The following VTI1A variants were observed in gnomAD, a reference collection of about 807,000 sequenced individuals.
The protein encoded by VTI1A is vesicle transport through interaction with t-SNAREs homolog 1A.
In VTI1A, 22 loss-of-function variants were observed where a neutral mutation model predicts 34.9. That is an observed-to-expected ratio of 0.63 (90% confidence interval 0.45 to 0.90). VTI1A has a LOEUF of 0.90. Ranked by LOEUF, VTI1A falls within the 40% of genes least tolerant of loss-of-function variation. The probability of loss-of-function intolerance (pLI) is 0.00; values close to 1 mark genes in which losing one functional copy is unlikely to be tolerated. For synonymous variants in VTI1A, 87 were observed against 97.3 expected (o/e 0.89, Z 0.62); for missense variants, 268 against 275.6 (o/e 0.97, Z 0.20).
chr10:112,724,007 A>G (rs1413358587), intron 7 of VTI1A, among the ~76,000 whole-genome samples: 1 of 152,256 alleles, frequency 6.6e-6, no homozygotes, highest in Non-Finnish European at 1.5e-5. Flanking sequence ...TCAAGAACTT[A>G]TATGAGAAAC....
At chr10:112,755,336 G>T (rs1206942268) in intron 7 of VTI1A, among the ~76,000 whole-genome samples, 1 of 152,192 alleles carries the variant, frequency 6.6e-6, no homozygotes, top group East Asian at 1.9e-4. Flanking sequence ...AAAGATGCCC[G>T]CTTGGGAAAG....
At chr10:112,541,177 G>A (rs1230740661) in intron 5 of VTI1A, among the ~76,000 whole-genome samples, 3 of 151,806 alleles carry the variant, frequency 2.0e-5, no homozygotes, top group African/African-American at 7.3e-5. Flanking sequence ...CCTATTTTAG[G>A]CCCTTCAAAT....
In VTI1A at chr10:112,460,544, G is replaced by C. The variant is rs754646927; in HGVS notation, c.115G>C (p.Ala39Pro). The C allele has an allele frequency of 5.0e-6, 8 of 1,609,582 alleles. No homozygotes were observed. The highest frequency in any genetic ancestry group is 4.0e-5 in the African/African-American group (3 of 74,778). Residue 39 changes from alanine to proline, a missense_variant, in exon 2 of 8, where the codon GCA becomes CCA. Transcript: ENST00000393077. ...TTCAGATGAAAAGAAACAGATGGTT[G>C]CAAATGTGGAGAAACAGCTTGAAGA... is the stretch of plus-strand genomic sequence containing the variant. ...LPPDEKKQMVANVEKQLEEAK... is the reference protein window; with the variant it reads ...LPPDEKKQMVPNVEKQLEEAK...
chr10:112,761,667 G>A (rs1033912072), intron 7 of VTI1A, among the ~76,000 whole-genome samples: 6 of 151,832 alleles, frequency 4.0e-5, no homozygotes, highest in Non-Finnish European at 4.4e-5. Flanking sequence ...AAATAAGTTC[G>A]ATTTTACACA....
At chr10:112,711,089 T>C (rs956523642) in intron 7 of VTI1A, among the ~76,000 whole-genome samples, 17 of 152,226 alleles carry the variant, frequency 1.1e-4, no homozygotes, top group African/African-American at 3.1e-4. Flanking sequence ...CACCTAGTTA[T>C]ATTTTTGGGT....
chr10:112,733,952 A>G (rs745757449), intron 7 of VTI1A, among the ~76,000 whole-genome samples: 2 of 151,904 alleles, frequency 1.3e-5, no homozygotes, highest in Admixed American at 1.3e-4. Flanking sequence ...GGGTTTCACC[A>G]TGTTGGTCAG....
chr10:112,815,293 C>T lies in VTI1A; in HGVS notation c.564C>T (p.Ile188=). ...SRILTGMLRR[I]IQNRILLVIL... is the part of the protein sequence containing the mutation. ...TTTCTCCTTTGCTGTCTCCTAGAAT[C>T]ATCCAGAACCGCATCCTGCTCGTCA... Residue 188 remains isoleucine, a synonymous_variant, in exon 8 of 8, where the codon ATC becomes ATT. Transcript: ENST00000393077. 1.2e-6 allele frequency: 2 copies of T among 1,607,168 alleles called. No individual in the cohort carries two copies. Among genetic ancestry groups the T allele is most frequent in the Non-Finnish European group, 8.5e-7 (1 of 1,175,738 alleles).
At chr10:112,614,059 A>C (rs1845421114) in intron 5 of VTI1A, among the ~76,000 whole-genome samples, 1 of 152,180 alleles carries the variant, frequency 6.6e-6, no homozygotes, top group Non-Finnish European at 1.5e-5. Context: ...TACAAAGAGA[A>C]GTGGGTTTTA....
intron 5 of VTI1A, among the ~76,000 whole-genome samples, chr10:112,617,345 G>A (rs540709263): frequency 6.6e-6 from 1 of 152,234 alleles, no homozygotes; most frequent in Admixed American, 6.5e-5. Context: ...CTAGGAGATT[G>A]CCATCTGTAG....
chr10:112,752,942 C>T (rs569981228), intron 7 of VTI1A, among the ~76,000 whole-genome samples: 3 of 151,818 alleles, frequency 2.0e-5, no homozygotes, highest in Admixed American at 6.6e-5. Flanking sequence ...TTGTGGACTC[C>T]GAAGCTACAT....
chr10:112,828,043 C>G, the VTI1A span, among the ~76,000 whole-genome samples: 1 of 152,168 alleles, frequency 6.6e-6, no homozygotes, highest in African/African-American at 2.4e-5. Flanking sequence ...TCAGTTTCCT[C>G]TACTGTAAAG....
At position 112,584,848 on chromosome 10, in the gene VTI1A, T is replaced by A. The variant is rs1220361808; in HGVS notation, c.427+46518T>A. 2.0e-5 allele frequency among the ~76,000 whole-genome samples: 3 copies of A among 152,324 alleles called. No individual in the cohort carries two copies. In the East Asian group the frequency reaches 5.8e-4, roughly 29 times the overall value. On this transcript the variant is annotated intron_variant, in intron 5 of 7. Transcript: ENST00000393077. ...GGATAGCATATTCACATTCTCTCTA[T>A]GGAGAGAGATAGTGAGGGGCAGGTA...
At chr10:112,464,480 C>A in intron 2 of VTI1A, 67 bp from the exon 3 acceptor site, 1 of 1,395,626 alleles carries the variant, frequency 7.2e-7, no homozygotes, top group Non-Finnish European at 1.0e-6. Context: ...ATCCTTTCAG[C>A]CGTAAACATT....
chr10:112,773,712 T>TA (rs2134025703), intron 7 of VTI1A, among the ~76,000 whole-genome samples: 1 of 152,314 alleles, frequency 6.6e-6, no homozygotes, highest in Non-Finnish European at 1.5e-5. Flanking sequence ...CGGTGCATCC[T>TA]AAATGTGGGA....
At chr10:112,559,701 C>T (rs906823747) in intron 5 of VTI1A, among the ~76,000 whole-genome samples, 2 of 152,162 alleles carry the variant, frequency 1.3e-5, no homozygotes, top group Non-Finnish European at 2.9e-5. Flanking sequence ...ATCAGGCAGC[C>T]CTCTTAGGAA....
At chr10:112,560,894 G>A (rs1851703781) in intron 5 of VTI1A, among the ~76,000 whole-genome samples, 2 of 151,992 alleles carry the variant, frequency 1.3e-5, no homozygotes, top group Non-Finnish European at 2.9e-5. Flanking sequence ...ACCGCGCCTG[G>A]CCAGAAGTGC....
chr10:112,576,477 T>C (rs1454911558), intron 5 of VTI1A, among the ~76,000 whole-genome samples: 1 of 152,218 alleles, frequency 6.6e-6, no homozygotes, highest in Admixed American at 6.5e-5. Context: ...AACTGTACCA[T>C]TCTCAAAATA....
intron 7 of VTI1A, among the ~76,000 whole-genome samples, chr10:112,721,271 G>T (rs144718312): frequency 6.6e-6 from 1 of 152,258 alleles, no homozygotes; most frequent in African/African-American, 2.4e-5. Flanking sequence ...ACAAATAACC[G>T]ATAGGTGGCA....
intron 7 of VTI1A, among the ~76,000 whole-genome samples, chr10:112,670,059 A>G (rs1463504362): frequency 1.3e-5 from 2 of 152,144 alleles, no homozygotes; most frequent in Non-Finnish European, 2.9e-5. Flanking sequence ...TAAGCCATCA[A>G]ATTCTGTGAT....
Sources: allele counts gnomAD v4.1 joint callset (sites outside exome capture counted in the v4.1 genomes callset), GRCh38; gene constraint gnomAD v4.1.1; transcripts MANE v1.5; gene names NCBI Gene and HGNC (gene_info 2026-07-23, HGNC 2026-07-21).